Variants in CEP83 observed in about 807,000 individuals in gnomAD.
CEP83 encodes the protein centrosomal protein of 83 kDa.
CEP83 carries 70 observed loss-of-function variants against 101.9 expected under a neutral mutation model. The ratio of observed to expected loss-of-function variants is 0.69; its 90% confidence interval spans 0.57 to 0.84. The LOEUF is 0.84. Among genes scored for constraint, CEP83 ranks in the 40% least tolerant of loss-of-function variants. The pLI, the probability that CEP83 is intolerant of heterozygous loss-of-function variation, is 0.00. For missense variants in CEP83, 715 were observed against 787.2 expected, an observed-to-expected ratio of 0.91 and a Z score of 1.10; for synonymous variants, 264 against 267.9, an observed-to-expected ratio of 0.99 and a Z score of 0.14.
chr12:94,362,420 G>A (rs572470563), intron 11 of CEP83, among the ~76,000 whole-genome samples: 8 of 152,272 alleles, frequency 5.3e-5, no homozygotes, highest in Non-Finnish European at 1.2e-4. Flanking sequence ...AAGAGTTGGA[G>A]ACCAGCCTGG....
Position 94,380,071 on chromosome 12 carries a change from C to CA in CEP83, c.550-1030dup, listed in dbSNP as rs11362391. 5.9e-3 allele frequency among the ~76,000 whole-genome samples: 490 copies of CA among 83,066 alleles called. 1 individual carries two copies. Among genetic ancestry groups the CA allele is most frequent in the South Asian group, 0.012 (30 of 2,416 alleles). 54.5% of individuals were successfully genotyped at this position (83,066 alleles called of 152,430 possible). Reference sequence around the variant, plus strand: ...ACTCACTGTAAGCTCCCCGGCCCTGCAAAAAAAAAAAAAAAAAAACAAAAA... The same window carrying CA: ...ACTCACTGTAAGCTCCCCGGCCCTGCAAAAAAAAAAAAAAAAAAAACAAAAA... On this transcript the variant is annotated intron_variant, in intron 6 of 16. Transcript: ENST00000397809.
chr12:94,267,838 C>G, the CEP83 span, among the ~76,000 whole-genome samples: 1 of 152,166 alleles, frequency 6.6e-6, no homozygotes, highest in Non-Finnish European at 1.5e-5. Context: ...TTCCTCCCTT[C>G]CCTCCTCCCC....
the CEP83 span, among the ~76,000 whole-genome samples, chr12:94,296,186 A>G: frequency 3.9e-5 from 6 of 152,218 alleles, no homozygotes; most frequent in Admixed American, 2.6e-4. Flanking sequence ...TTTTTAAGAC[A>G]GTGTCTCGCT....
At chr12:94,333,928 GGAT>G (rs1182001837) in intron 12 of CEP83, among the ~76,000 whole-genome samples, 3 of 151,982 alleles carry the variant, frequency 2.0e-5, no homozygotes, top group African/African-American at 7.3e-5. Context: ...GTTATCAGGG[GGAT>G]TAGCAGTGAG....
At chr12:94,436,433 A>T (rs1642130814) in intron 1 of CEP83, among the ~76,000 whole-genome samples, 1 of 152,206 alleles carries the variant, frequency 6.6e-6, no homozygotes, top group South Asian at 2.1e-4. Flanking sequence ...CACTTAGAGA[A>T]ATGCAAAATG....
chr12:94,367,557 G>A (rs1306896964), intron 11 of CEP83, among the ~76,000 whole-genome samples: 2 of 152,080 alleles, frequency 1.3e-5, no homozygotes, highest in Non-Finnish European at 1.5e-5. Context: ...ACATCAGTGG[G>A]ACAACTGGTA....
At chr12:94,280,202 TA>T in the CEP83 span, 1 of 215,302 alleles carries the variant, frequency 4.6e-6, no homozygotes, top group Non-Finnish European at 9.5e-6. Flanking sequence ...TCTACTGGTA[TA>T]CTGCAAAGGA....
chr12:94,449,195 TA>T (rs1422901245), intron 1 of CEP83, among the ~76,000 whole-genome samples: 2 of 152,136 alleles, frequency 1.3e-5, no homozygotes, highest in African/African-American at 4.8e-5. Flanking sequence ...CTACACTTCC[TA>T]GAACATACAA....
chr12:94,346,918 G>C (rs957008166), intron 11 of CEP83, among the ~76,000 whole-genome samples: 7 of 152,078 alleles, frequency 4.6e-5, no homozygotes, highest in African/African-American at 1.7e-4. Context: ...TGCACCTGTA[G>C]TCCCAGCTAC....
chr12:94,415,094 A>G (rs904323059), intron 2 of CEP83, among the ~76,000 whole-genome samples: 1 of 152,094 alleles, frequency 6.6e-6, no homozygotes, highest in Non-Finnish European at 1.5e-5. Context: ...TTATTGAAAG[A>G]TTATTTCAAA....
At chr12:94,445,137 C>G (rs1048692898) in intron 1 of CEP83, among the ~76,000 whole-genome samples, 1 of 151,988 alleles carries the variant, frequency 6.6e-6, no homozygotes. Flanking sequence ...TCACAAAAAT[C>G]CATTAAACAA....
the CEP83 span, among the ~76,000 whole-genome samples, chr12:94,267,850 T>C: frequency 7.9e-5 from 12 of 152,282 alleles, no homozygotes; most frequent in Admixed American, 2.6e-4. Flanking sequence ...CTCCTCCCCT[T>C]CTTTTTCACT....
At chr12:94,345,739 G>A (rs1446370754) in intron 11 of CEP83, among the ~76,000 whole-genome samples, 1 of 152,152 alleles carries the variant, frequency 6.6e-6, no homozygotes, top group Non-Finnish European at 1.5e-5. Context: ...CTACACAGAG[G>A]GGCCAAGAAG....
At chr12:94,324,614 C>CT (rs1008928376) in intron 14 of CEP83, among the ~76,000 whole-genome samples, 1 of 152,168 alleles carries the variant, frequency 6.6e-6, no homozygotes, top group African/African-American at 2.4e-5. Flanking sequence ...CTTGGCATTT[C>CT]TATTTTCCTC....
intron 14 of CEP83, among the ~76,000 whole-genome samples, chr12:94,315,425 T>C (rs1314976508): frequency 6.6e-6 from 1 of 152,170 alleles, no homozygotes; most frequent in East Asian, 1.9e-4. Flanking sequence ...ATTAAAACTT[T>C]TGAGTAACCT....
chr12:94,447,428 T>G (rs2066892977), intron 1 of CEP83, among the ~76,000 whole-genome samples: 1 of 152,068 alleles, frequency 6.6e-6, no homozygotes, highest in African/African-American at 2.4e-5. Context: ...TTGCTTGAAC[T>G]GGGTAAGCGG....
At chr12:94,393,948 C>T (rs2062724541) in intron 6 of CEP83, among the ~76,000 whole-genome samples, 1 of 152,120 alleles carries the variant, frequency 6.6e-6, no homozygotes, top group African/African-American at 2.4e-5. Context: ...AGGAGAACTA[C>T]AAACCACTGC....
chr12:94,267,663 C>T, the CEP83 span, among the ~76,000 whole-genome samples: 8,198 of 152,244 alleles, frequency 0.054, 330 homozygotes, highest in African/African-American at 0.1. Context: ...CCCAGCCCCC[C>T]TTTCATGGTT....
intron 11 of CEP83, among the ~76,000 whole-genome samples, chr12:94,349,093 C>T (rs1290187439): frequency 6.6e-6 from 1 of 151,994 alleles, no homozygotes; most frequent in Non-Finnish European, 1.5e-5. Flanking sequence ...CAAGACCAGC[C>T]TGGCCAACAT....
Sources: allele counts gnomAD v4.1 joint callset (sites outside exome capture counted in the v4.1 genomes callset), GRCh38; gene constraint gnomAD v4.1.1; transcripts MANE v1.5; gene names NCBI Gene and HGNC (gene_info 2026-07-23, HGNC 2026-07-21).